The following PLEKHH2 variants were observed in gnomAD, a reference collection of about 807,000 sequenced individuals.
PLEKHH2 encodes the protein pleckstrin homology, MyTH4 and FERM domain containing H2.
PLEKHH2 carries 129 observed loss-of-function variants against 187.9 expected under a neutral mutation model. The ratio of observed to expected loss-of-function variants is 0.69; its 90% CI spans 0.59 to 0.79. PLEKHH2 has a LOEUF of 0.79. PLEKHH2 is among the 30% of genes least tolerant of loss of function. The pLI is 0.00. For missense variants in PLEKHH2, 2,076 were observed against 1,751.2 expected (o/e 1.19, Z -3.31); for synonymous variants, 686 against 605.6 (o/e 1.13, Z -1.95).
intron 2 of PLEKHH2, among the ~76,000 whole-genome samples, chr2:43,678,305 G>T (rs1360320136): frequency 5.3e-5 from 8 of 152,020 alleles, no homozygotes; most frequent in Non-Finnish European, 8.8e-5. Context: ...TCCCAGACGG[G>T]GTGGCGGCCG....
chr2:43,737,612 C>T (rs928977465), intron 19 of PLEKHH2, among the ~76,000 whole-genome samples: 4 of 152,176 alleles, frequency 2.6e-5, no homozygotes, highest in Non-Finnish European at 4.4e-5. Context: ...AACTCTCTCA[C>T]GTGGCTGTTG....
intron 19 of PLEKHH2, among the ~76,000 whole-genome samples, chr2:43,734,848 A>G (rs1244784323): frequency 6.6e-6 from 1 of 152,178 alleles, no homozygotes; most frequent in Non-Finnish European, 1.5e-5. Context: ...GAATCAACCT[A>G]AGTGTTCATC....
chr2:43,757,498 C>T (rs1672261251), intron 26 of PLEKHH2, among the ~76,000 whole-genome samples: 1 of 150,954 alleles, frequency 6.6e-6, no homozygotes, highest in African/African-American at 2.4e-5. Flanking sequence ...CGGCTCACTG[C>T]AAGCTCCGCC....
chr2:43,699,308 A>C lies in PLEKHH2; in HGVS notation c.689-339A>C, dbSNP rs76855710. On this transcript the variant is annotated intron_variant, in intron 7 of 29. Coordinates refer to ENST00000282406, the MANE Select transcript of PLEKHH2 (RefSeq NM_172069.4). ...TTTATATAAAGCTTATAGTTTTCAA[A>C]AACTTGTGTTTAAAAAAGACATAAG... 1.6e-4 allele frequency among the ~76,000 whole-genome samples: 24 copies of C among 152,322 alleles called. No homozygotes were observed. In the East Asian group the frequency reaches 4.1e-3, roughly 26 times the overall value.
chr2:43,714,020 A>T (rs1250776444), intron 15 of PLEKHH2, among the ~76,000 whole-genome samples: 1 of 152,176 alleles, frequency 6.6e-6, no homozygotes, highest in Non-Finnish European at 1.5e-5. Flanking sequence ...TTAGTTACTG[A>T]TGGGTTAGGG....
chr2:43,679,119 G>C (rs1668029778), intron 3 of PLEKHH2, among the ~76,000 whole-genome samples, 194 bp downstream of exon 3: 1 of 152,018 alleles, frequency 6.6e-6, no homozygotes, highest in African/African-American at 2.4e-5. Flanking sequence ...GGAAAAAAAG[G>C]CTTCCATTAG....
At chr2:43,689,448 G>A (rs917588027) in intron 3 of PLEKHH2, among the ~76,000 whole-genome samples, 1 of 152,252 alleles carries the variant, frequency 6.6e-6, no homozygotes, top group African/African-American at 2.4e-5. Flanking sequence ...TCTCTGAGTA[G>A]TTAAAATTCT....
intron 21 of PLEKHH2, among the ~76,000 whole-genome samples, chr2:43,742,120 C>A (rs1347856989): frequency 1.3e-5 from 2 of 152,034 alleles, no homozygotes; most frequent in East Asian, 3.9e-4. Flanking sequence ...CCTGCCTCAA[C>A]CTCCCAAGTA....
At chr2:43,762,723 A>C (rs1448381206) in intron 28 of PLEKHH2, among the ~76,000 whole-genome samples, 1 of 152,216 alleles carries the variant, frequency 6.6e-6, no homozygotes, top group Non-Finnish European at 1.5e-5. Flanking sequence ...GAAATCATTA[A>C]GGTGGGAACT....
In PLEKHH2 at chr2:43,700,163, G is replaced by C. The variant is rs139610404; in HGVS notation, c.1205G>C (p.Ser402Thr). The C allele has an allele frequency of 2.5e-6, 4 of 1,614,112 alleles. No individual in the cohort carries two copies. In the African/African-American group the frequency reaches 4.0e-5, roughly 16 times the overall value. The change falls in exon 8 of 30, where the codon AGT (serine) becomes ACT (threonine). Residue 402 changes from serine (S) to threonine (T), a missense_variant. Transcript: ENST00000282406. ...SQRLDYSSSSSEANTPSPILT... is the reference protein window; with the variant it reads ...SQRLDYSSSSTEANTPSPILT... ...AGACTCGATTATTCATCTTCATCGA[G>C]TGAAGCCAACACCCCAAGCCCTATT...
At position 43,720,698 on chromosome 2, in the gene PLEKHH2, G is replaced by C; in HGVS notation, c.2490G>C (p.Trp830Cys). Residue 830 changes from tryptophan (W) to cysteine (C), a missense_variant, in exon 16 of 30, where the codon TGG becomes TGC. Physicochemically the swap from Trp to Cys is radical, Grantham distance 215. Coordinates refer to ENST00000282406, the MANE Select transcript of PLEKHH2 (RefSeq NM_172069.4). ...AACATGGATATTCCAAGAGAGTCTG[G>C]TGTACACTAATAGGAAAGACATTAT... ...KVKHGYSKRV[W>C]CTLIGKTLYY... The C allele has an allele frequency of 6.2e-7, 1 of 1,609,980 alleles. No homozygotes were observed. The highest frequency in any genetic ancestry group is 8.5e-7 in the Non-Finnish European group (1 of 1,178,728).
At chr2:43,751,055 C>G (rs1022982069) in intron 24 of PLEKHH2, among the ~76,000 whole-genome samples, 2 of 152,212 alleles carry the variant, frequency 1.3e-5, no homozygotes, top group African/African-American at 4.8e-5. Flanking sequence ...CATCTCTGTG[C>G]CTCAGGTACC....
intron 2 of PLEKHH2, among the ~76,000 whole-genome samples, chr2:43,653,240 A>G (rs1239143747): frequency 6.6e-6 from 1 of 152,244 alleles, no homozygotes; most frequent in Non-Finnish European, 1.5e-5. Flanking sequence ...AAGTTACATC[A>G]TAATGAACGT....
At chr2:43,651,386 C>G (rs1666465984) in intron 2 of PLEKHH2, among the ~76,000 whole-genome samples, 1 of 152,146 alleles carries the variant, frequency 6.6e-6, no homozygotes, top group South Asian at 2.1e-4. Context: ...CAAATTTAGC[C>G]TCTCTTGGTT....
intron 3 of PLEKHH2, chr2:43,681,044 T>C: frequency 3.9e-6 from 5 of 1,287,460 alleles, no homozygotes; most frequent in Non-Finnish European, 5.4e-6. Context: ...TGGAATTCCT[T>C]CCTGTACCAT....
intron 18 of PLEKHH2, among the ~76,000 whole-genome samples, chr2:43,730,041 GC>G (rs1403965147): frequency 6.6e-6 from 1 of 151,966 alleles, no homozygotes; most frequent in Non-Finnish European, 1.5e-5. Context: ...ACCCCACCTA[GC>G]CTTAGGAGAT....
At chr2:43,708,214 C>T (rs770465493) in intron 11 of PLEKHH2, among the ~76,000 whole-genome samples, 16 of 152,162 alleles carry the variant, frequency 1.1e-4, no homozygotes, top group South Asian at 6.2e-4. Context: ...CAACTTGCCC[C>T]GCTACAGCCA....
intron 2 of PLEKHH2, among the ~76,000 whole-genome samples, chr2:43,652,243 T>G (rs6544683): frequency 0.23 from 34,279 of 152,100 alleles, 4,218 homozygotes; most frequent in Middle Eastern, 0.32. Flanking sequence ...AAGGTTTCAA[T>G]GAATTAGTTG....
At chr2:43,729,414 C>T (rs1405196603) in intron 17 of PLEKHH2, among the ~76,000 whole-genome samples, 1 of 152,140 alleles carries the variant, frequency 6.6e-6, no homozygotes, top group Non-Finnish European at 1.5e-5. Flanking sequence ...TTCTAAAATG[C>T]ATCTGAATAA....
Sources: gnomAD v4.1 joint callset for allele counts (sites outside exome capture counted in the v4.1 genomes callset) on GRCh38, gnomAD v4.1.1 for gene constraint, MANE v1.5 for transcripts, NCBI Gene and HGNC (gene_info 2026-07-23, HGNC 2026-07-21) for gene names.